PARN: variants seen among roughly 807,000 people sequenced by gnomAD.
The protein encoded by PARN is poly(A)-specific ribonuclease PARN.
In PARN, 71 loss-of-function variants were observed where a neutral mutation model predicts 102.8. The ratio of observed to expected loss-of-function variants is 0.69; its 90% CI spans 0.57 to 0.84. The LOEUF is 0.84. Ranked by LOEUF, PARN falls within the 40% of genes least tolerant of loss-of-function variation. The pLI is 0.00. For missense variants in PARN, 782 were observed against 760.9 expected (o/e 1.03, Z -0.33); for synonymous variants, 261 against 252.9 (o/e 1.03, Z -0.30).
In PARN at chr16:14,626,976, A is replaced by T; in HGVS notation, c.327+130T>A. 7.7e-6 allele frequency: 5 copies of T among 645,986 alleles called. No individual in the cohort carries two copies. In the South Asian group the frequency reaches 9.3e-5, roughly 12 times the overall value. 40.0% of individuals were successfully genotyped at this position (645,986 alleles called of 1,614,324 possible). ...ACAGGGTCATGAATTTATTACCCTA[A>T]AACTGAAGGTCAAAGGTGAAATGAT... On this transcript the variant is annotated intron_variant, in intron 5 of 23. Coordinates refer to ENST00000437198, the MANE Select transcript of PARN (RefSeq NM_002582.4).
At position 14,628,186 on chromosome 16, in the gene PARN, G is replaced by C. The variant is rs1216558709; in HGVS notation, c.163C>G (p.Gln55Glu). 1.9e-6 allele frequency: 3 copies of C among 1,591,656 alleles called. No homozygotes were observed. Among genetic ancestry groups the C allele is most frequent in the East Asian group, 2.2e-5 (1 of 44,734 alleles). ...CATCCACTTGCCTTTTTAAGCTTCT[G>C]ATACCTCTCTTCTGGAGTGTCAAAA... Reference protein sequence around the residue: ...NGFDTPEERYQKLKKHSMDFL... With the variant: ...NGFDTPEERYEKLKKHSMDFL... Residue 55 changes from glutamine (Q) to glutamate (E), a missense_variant, in exon 3 of 24, where the codon CAG (glutamine) becomes GAG (glutamate). Transcript: ENST00000437198.
chr16:14,582,089 G>C lies in PARN; in HGVS notation c.1192+92C>G, dbSNP rs1049277399. On this transcript the variant is annotated intron_variant, in intron 17 of 23. Transcript: ENST00000437198. ...TGTCTGTTGTTTAAGCCCCACACTC[G>C]ACAGTAATTTATTACAGCAGCCTAA... The C allele has an allele frequency of 1.8e-5, 15 of 829,148 alleles. No homozygotes were observed. In the South Asian group the frequency reaches 2.1e-4, roughly 11 times the overall value. The allele number at this position is 829,148 out of a possible 1,614,324, so 51.4% of individuals were successfully genotyped here.
intron 6 of PARN, among the ~76,000 whole-genome samples, chr16:14,612,605 T>C (rs575376107): frequency 6.6e-6 from 1 of 152,150 alleles, no homozygotes; most frequent in South Asian, 2.1e-4. Context: ...TTTTTTCTTT[T>C]TTTTCTTTTT....
chr16:14,555,424 T>C (rs748607064), intron 19 of PARN, among the ~76,000 whole-genome samples: 22 of 152,140 alleles, frequency 1.4e-4, no homozygotes, highest in Admixed American at 4.6e-4. Flanking sequence ...ATAGAGAAGA[T>C]ACATGCTTCT....
chr16:14,445,375 T>C (rs1961150898), intron 23 of PARN, among the ~76,000 whole-genome samples: 1 of 152,200 alleles, frequency 6.6e-6, no homozygotes, highest in Non-Finnish European at 1.5e-5. Context: ...GGGGATTAAT[T>C]AAAACAGTGC....
chr16:14,530,975 T>TCATTCATCCATCCATCCATC (rs769620034), intron 21 of PARN, among the ~76,000 whole-genome samples: 1 of 151,374 alleles, frequency 6.6e-6, no homozygotes, highest in Non-Finnish European at 1.5e-5. Context: ...ATTCATTCAT[T>TCATTCATCCATCCATCCATC]CATCCATCCA....
chr16:14,521,573 C>T (rs1052536336), intron 21 of PARN, among the ~76,000 whole-genome samples: 2 of 152,046 alleles, frequency 1.3e-5, no homozygotes, highest in Non-Finnish European at 1.5e-5. Context: ...CTGCGGCGGG[C>T]GGATCACCTG....
At chr16:14,522,018 G>C (rs1965761023) in intron 21 of PARN, among the ~76,000 whole-genome samples, 1 of 152,172 alleles carries the variant, frequency 6.6e-6, no homozygotes, top group Admixed American at 6.5e-5. Flanking sequence ...TGTAGTCTAG[G>C]ACTGCAGTAG....
At chr16:14,568,795 T>C (rs898860863) in intron 18 of PARN, among the ~76,000 whole-genome samples, 2 of 151,806 alleles carry the variant, frequency 1.3e-5, no homozygotes, top group Admixed American at 6.6e-5. Flanking sequence ...CTCAGGAGGC[T>C]GAGAAAGGGG....
At chr16:14,482,506 T>A in intron 22 of PARN, 132 bp downstream of exon 22, 1 of 649,228 alleles carries the variant, frequency 1.5e-6, no homozygotes. Context: ...TAGTCACTTC[T>A]GATATGATGT....
At chr16:14,578,102 G>A (rs1001624503) in intron 18 of PARN, among the ~76,000 whole-genome samples, 7 of 151,478 alleles carry the variant, frequency 4.6e-5, no homozygotes, top group African/African-American at 1.7e-4. Context: ...GCCAAGGCAG[G>A]TGGATCACCT....
At chr16:14,469,071 G>A (rs748381304) in intron 22 of PARN, among the ~76,000 whole-genome samples, 1 of 152,172 alleles carries the variant, frequency 6.6e-6, no homozygotes, top group African/African-American at 2.4e-5. Context: ...GTCGAGGTGG[G>A]TGGGTCATCT....
At chr16:14,629,459 C>CTA in intron 2 of PARN, 138 bp downstream of exon 2, 1 of 668,346 alleles carries the variant, frequency 1.5e-6, no homozygotes, top group Non-Finnish European at 2.7e-6. Flanking sequence ...AAGGGTAACA[C>CTA]TGAGACCTGT....
chr16:14,580,887 G>A lies in PARN; in HGVS notation c.1249C>T (p.Pro417Ser). 6.2e-7 allele frequency: 1 copy of A among 1,604,016 alleles called. No individual in the cohort carries two copies. Among genetic ancestry groups the A allele is most frequent in the African/African-American group, 1.3e-5 (1 of 74,838 alleles). ...HVSARSKLIE[P>S]FFNKLFLMRV... ...CTGATTACTTACTTGTTAAAAAAAGGTTCAATGAGTTTTGATCTGGCAGAC... is the reference window on the plus strand; with the variant it reads ...CTGATTACTTACTTGTTAAAAAAAGATTCAATGAGTTTTGATCTGGCAGAC... Residue 417 changes from proline to serine, a missense_variant, in exon 18 of 24, where the codon CCT becomes TCT. Transcript: ENST00000437198.
At chr16:14,583,925 GC>G (rs1411586501) in intron 16 of PARN, among the ~76,000 whole-genome samples, 2 of 152,142 alleles carry the variant, frequency 1.3e-5, no homozygotes, top group Admixed American at 1.3e-4. Flanking sequence ...GTGGGGACTT[GC>G]CTTAATCTCA....
chr16:14,536,374 A>G (rs1350870727), intron 21 of PARN, among the ~76,000 whole-genome samples: 1 of 152,170 alleles, frequency 6.6e-6, no homozygotes, highest in Non-Finnish European at 1.5e-5. Flanking sequence ...CAACGACAAA[A>G]CATTAAAAGC....
chr16:14,486,368 C>G (rs1330841478), intron 21 of PARN, among the ~76,000 whole-genome samples: 1 of 152,132 alleles, frequency 6.6e-6, no homozygotes, highest in African/African-American at 2.4e-5. Flanking sequence ...AAGACCCTAT[C>G]TCGAAAAAAA....
At chr16:14,621,578 G>A (rs937482502) in intron 5 of PARN, among the ~76,000 whole-genome samples, 6 of 151,600 alleles carry the variant, frequency 4.0e-5, no homozygotes, top group Non-Finnish European at 5.9e-5. Context: ...TTTGGGAGGC[G>A]AGGCAGGCAG....
In PARN at chr16:14,472,655, CTAGTAATAAGAGCAATG is replaced by C. The variant is rs200938651; in HGVS notation, c.1670+9966_1670+9982del. Among the ~76,000 whole-genome samples, 46 of 152,306 alleles carry C rather than the reference CTAGTAATAAGAGCAATG, an allele frequency of 3.0e-4. No homozygotes were observed. The East Asian group carries it at 8.7e-3, about 29-fold the overall frequency. ...ACCTGCCAAAAGCAAATCAATGATT[CTAGTAATAAGAGCAATG>C]TATTTAAAGTTCTGAGAGAAAACAG... On this transcript the variant is annotated intron_variant, in intron 22 of 23. Coordinates refer to ENST00000437198, the MANE Select transcript of PARN (RefSeq NM_002582.4).
Sources: allele counts gnomAD v4.1 joint callset (sites outside exome capture counted in the v4.1 genomes callset), GRCh38; gene constraint gnomAD v4.1.1; transcripts MANE v1.5; gene names NCBI Gene and HGNC (gene_info 2026-07-23, HGNC 2026-07-21).